The following EEF2K variants were observed in gnomAD, a reference collection of about 807,000 sequenced individuals.
EEF2K encodes the protein alternative protein EEF2K.
In EEF2K, 70 loss-of-function variants were observed where a neutral mutation model predicts 93.8. That is an observed-to-expected ratio of 0.75 (90% CI 0.62 to 0.91). The LOEUF (loss-of-function observed/expected upper bound fraction) is 0.91. Among genes scored for constraint, EEF2K ranks in the 40% least tolerant of loss-of-function variants. EEF2K has a pLI of 0.00. For synonymous variants in EEF2K, 376 were observed against 380.8 expected (o/e 0.99, Z 0.15); for missense variants, 935 against 972.9 (o/e 0.96, Z 0.52).
chr16:22,280,738 C>A (rs2047685906), intron 17 of EEF2K, among the ~76,000 whole-genome samples: 1 of 149,168 alleles, frequency 6.7e-6, no homozygotes, highest in African/African-American at 2.5e-5. Flanking sequence ...AATCTTGGCT[C>A]ACTGCAGCCT....
chr16:22,257,002 C>G (rs567790828), intron 7 of EEF2K, 105 bp downstream of exon 7: 1 of 1,530,132 alleles, frequency 6.5e-7, no homozygotes, highest in East Asian at 2.3e-5. Context: ...CTTGGAGTCT[C>G]ACCCCCAGAG....
chr16:22,258,709 C>T lies in EEF2K; in HGVS notation c.1231+14C>T, dbSNP rs200364752. The T allele has an allele frequency of 5.8e-5, 93 of 1,613,906 alleles. No homozygotes were observed. Among genetic ancestry groups the T allele is most frequent in the East Asian group, 2.9e-4 (13 of 44,880 alleles). On this transcript the variant is annotated intron_variant, in intron 10 of 17. Transcript: ENST00000263026. ...TAGACCACCTCCGTGAGTGACGGTT[C>T]GGTCCCTAGTCACTGTGATTGGAGG...
intron 1 of EEF2K, among the ~76,000 whole-genome samples, chr16:22,208,044 C>G (rs568999253): frequency 3.9e-5 from 6 of 152,316 alleles, no homozygotes; most frequent in African/African-American, 1.2e-4. Flanking sequence ...AGTAAAACCT[C>G]TCAAGGACAT....
At chr16:22,259,540 A>G (rs527642381) in intron 10 of EEF2K, among the ~76,000 whole-genome samples, 1 of 152,336 alleles carries the variant, frequency 6.6e-6, no homozygotes, top group African/African-American at 2.4e-5. Flanking sequence ...CAGTCTCTGC[A>G]TTTGGAGCAT....
At chr16:22,253,391 C>T (rs1598189021) in intron 6 of EEF2K, among the ~76,000 whole-genome samples, 2 of 152,228 alleles carry the variant, frequency 1.3e-5, no homozygotes, top group African/African-American at 4.8e-5. Context: ...CAAGAAGCCA[C>T]AGTCCCCACC....
chr16:22,247,008 A>G (rs2047299226), intron 3 of EEF2K, among the ~76,000 whole-genome samples: 1 of 133,974 alleles, frequency 7.5e-6, no homozygotes, highest in Non-Finnish European at 1.5e-5. Flanking sequence ...ACTGCACTCC[A>G]GCCTGGGTGA....
chr16:22,249,730 C>T (rs895355826), intron 4 of EEF2K, among the ~76,000 whole-genome samples: 4 of 152,104 alleles, frequency 2.6e-5, no homozygotes, highest in African/African-American at 4.8e-5. Flanking sequence ...ACCTCAGCCT[C>T]CCGAGTAGCT....
At chr16:22,250,368 C>T (rs1219214228) in intron 4 of EEF2K, among the ~76,000 whole-genome samples, 3 of 152,130 alleles carry the variant, frequency 2.0e-5, no homozygotes, top group Non-Finnish European at 4.4e-5. Context: ...GGGAAAACGT[C>T]CTCTGAGATG....
intron 6 of EEF2K, among the ~76,000 whole-genome samples, chr16:22,255,430 A>T (rs977260779): frequency 4.6e-5 from 7 of 152,146 alleles, no homozygotes; most frequent in African/African-American, 1.7e-4. Flanking sequence ...CATGGACCAC[A>T]TAATCAATTC....
chr16:22,263,135 G>T lies in EEF2K; in HGVS notation c.1325G>T (p.Gly442Val). 6.2e-7 allele frequency: 1 copy of T among 1,612,694 alleles called. No individual in the cohort carries two copies. The highest frequency in any genetic ancestry group is 8.5e-7 in the Non-Finnish European group (1 of 1,179,294). Reference protein sequence around the residue: ...HRESENSGDSGYPSEKRGELD... With the variant: ...HRESENSGDSVYPSEKRGELD... ...GAGTCTGAGAATAGTGGGGACAGCG[G>T]ATACCCCAGTGAGAAGCGGGGTGAG... The change falls in exon 12 of 18, where the codon GGA becomes GTA. Residue 442 changes from glycine (G) to valine (V), a missense_variant. Transcript: ENST00000263026.
At position 22,251,303 on chromosome 16, in the gene EEF2K, G is replaced by A. The variant is rs749637240; in HGVS notation, c.599G>A (p.Arg200Gln). ...EAKLWGEEYN[R>Q]HKPPKQVDIM... ...AAGCTCTGGGGGGAGGAGTATAATC[G>A]GCACAAGCCCCCCAAGCAGGTGCGT... is the stretch of plus-strand genomic sequence containing the variant. Residue 200 changes from arginine to glutamine, a missense_variant, in exon 6 of 18, where the codon CGG becomes CAG. Transcript: ENST00000263026. 16 of 1,613,958 alleles carry A rather than the reference G, an allele frequency of 9.9e-6. No individual in the cohort carries two copies. Among genetic ancestry groups the A allele is most frequent in the Middle Eastern group, 1.6e-4 (1 of 6,080 alleles).
At chr16:22,214,945 T>C (rs1425760520) in intron 1 of EEF2K, among the ~76,000 whole-genome samples, 2 of 152,148 alleles carry the variant, frequency 1.3e-5, no homozygotes, top group Non-Finnish European at 2.9e-5. Flanking sequence ...TTGAGCAGAT[T>C]GCTTACAGAA....
At chr16:22,279,496 G>T (rs895022697) in intron 16 of EEF2K, among the ~76,000 whole-genome samples, 2 of 152,076 alleles carry the variant, frequency 1.3e-5, no homozygotes, top group Non-Finnish European at 2.9e-5. Context: ...CATGGAATGT[G>T]TAATAATCAC....
chr16:22,283,766 G>C, intron 17 of EEF2K, 121 bp from the exon 18 acceptor site: 1 of 905,666 alleles, frequency 1.1e-6, no homozygotes, highest in South Asian at 1.5e-5. Context: ...AGGGCACACG[G>C]AGTAGTTTGA....
chr16:22,236,962 T>G (rs983029131), intron 2 of EEF2K, among the ~76,000 whole-genome samples: 8 of 107,682 alleles, frequency 7.4e-5, no homozygotes, highest in Non-Finnish European at 1.2e-4. Flanking sequence ...TTTTTTTTTT[T>G]GAGACAGAGT....
intron 3 of EEF2K, among the ~76,000 whole-genome samples, chr16:22,246,946 GA>G (rs1188520887): frequency 6.9e-6 from 1 of 144,898 alleles, no homozygotes; most frequent in Non-Finnish European, 1.5e-5. Context: ...GCTAAGGCAG[GA>G]GAATCGCTTG....
chr16:22,277,524 A>G (rs1198091876), intron 16 of EEF2K, among the ~76,000 whole-genome samples: 1 of 152,164 alleles, frequency 6.6e-6, no homozygotes. Context: ...CCAGACATTT[A>G]TTGACACTAT....
At chr16:22,266,094 C>T (rs919660966) in intron 13 of EEF2K, among the ~76,000 whole-genome samples, 1 of 152,050 alleles carries the variant, frequency 6.6e-6, no homozygotes, top group African/African-American at 2.4e-5. Flanking sequence ...TGGTGGTATG[C>T]ACCTGTCGTC....
intron 15 of EEF2K, among the ~76,000 whole-genome samples, chr16:22,270,723 A>G (rs555629421): frequency 6.6e-6 from 1 of 152,252 alleles, no homozygotes; most frequent in South Asian, 2.1e-4. Flanking sequence ...CTATTTTGGA[A>G]GGTCATAAAT....
Sources: gnomAD v4.1 joint callset for allele counts (sites outside exome capture counted in the v4.1 genomes callset) on GRCh38, gnomAD v4.1.1 for gene constraint, MANE v1.5 for transcripts, NCBI Gene and HGNC (gene_info 2026-07-23, HGNC 2026-07-21) for gene names.